The following PRDM16 variants were observed in gnomAD, a reference collection of about 807,000 sequenced individuals.
PRDM16 encodes the protein PR/SET domain 16.
Under a neutral mutation model 110.6 loss-of-function variants are expected in PRDM16, and 23 were observed. The observed-to-expected ratio is 0.21, with a 90% CI of 0.15 to 0.29. The LOEUF is 0.29. PRDM16 is among the 10% of genes least tolerant of loss of function. PRDM16 has a pLI of 1.00. For missense variants in PRDM16, 1,615 were observed against 1,794.3 expected (o/e 0.90, Z 1.81); for synonymous variants, 799 against 781.8 (o/e 1.02, Z -0.37).
chr1:3,347,446 C>T (rs1247230134), intron 3 of PRDM16, among the ~76,000 whole-genome samples: 1 of 152,230 alleles, frequency 6.6e-6, no homozygotes, highest in Admixed American at 6.5e-5. Context: ...TGGCGAGAGC[C>T]ATCCATCTGC....
intron 1 of PRDM16, among the ~76,000 whole-genome samples, chr1:3,141,978 G>T (rs61572897): frequency 6.6e-6 from 1 of 152,260 alleles, no homozygotes; most frequent in African/African-American, 2.4e-5. Context: ...ATGGTGCACC[G>T]CGTTTCCGAA....
intron 3 of PRDM16, among the ~76,000 whole-genome samples, chr1:3,379,142 C>T (rs1179555962): frequency 1.4e-5 from 1 of 73,754 alleles, no homozygotes; most frequent in Non-Finnish European, 3.1e-5. Context: ...ACACACCCCT[C>T]CCAGCACACC....
chr1:3,245,919 C>G lies in PRDM16; in HGVS notation c.438+1782C>G, dbSNP rs1171804773. Among the ~76,000 whole-genome samples, 2 of 152,200 alleles carry G rather than the reference C, an allele frequency of 1.3e-5. No homozygotes were observed. The highest frequency in any genetic ancestry group is 2.1e-4 in the South Asian group (1 of 4,818). The stretch of plus-strand genomic sequence containing the variant: ...GCGTCCCTGGACCGTCTGACATTTT[C>G]AAGACGCCCTCCTTGGCTGCGCCTC... On this transcript the variant is annotated intron_variant, in intron 3 of 16. Transcript: ENST00000270722. This position sits in a 1 kb window ranked among gnomAD's most constrained non-coding sequence, Gnocchi z 4.7.
At chr1:3,120,892 C>T (rs1181444169) in intron 1 of PRDM16, among the ~76,000 whole-genome samples, 2 of 152,166 alleles carry the variant, frequency 1.3e-5, no homozygotes, top group Admixed American at 6.5e-5. Context: ...TTGTTCTCTC[C>T]GGGATCTGCC....
At chr1:3,385,323 G>A (rs1643177762) in intron 4 of PRDM16, 37 bp downstream of exon 4, 4 of 1,609,166 alleles carry the variant, frequency 2.5e-6, no homozygotes, top group South Asian at 1.1e-5. Context: ...TCTGCCTCTT[G>A]GAATTGTCCC....
At chr1:3,352,198 T>A (rs947580874) in intron 3 of PRDM16, among the ~76,000 whole-genome samples, 1 of 152,106 alleles carries the variant, frequency 6.6e-6, no homozygotes, top group Non-Finnish European at 1.5e-5. Context: ...CCCTTCTCCC[T>A]CCGTGTTTGG....
At chr1:3,386,023 C>T (rs933417154) in intron 4 of PRDM16, among the ~76,000 whole-genome samples, 4 of 152,190 alleles carry the variant, frequency 2.6e-5, no homozygotes, top group African/African-American at 7.2e-5. Context: ...CAGAGCTGGT[C>T]GCTGCTTCAT....
intron 1 of PRDM16, among the ~76,000 whole-genome samples, chr1:3,112,388 C>T (rs1215731525): frequency 6.6e-6 from 1 of 152,224 alleles, no homozygotes; most frequent in Non-Finnish European, 1.5e-5. Flanking sequence ...CTTTTCGCTT[C>T]TCTCTAGTCA....
At chr1:3,331,301 C>A (rs2483273) in intron 3 of PRDM16, among the ~76,000 whole-genome samples, 16 of 152,068 alleles carry the variant, frequency 1.1e-4, no homozygotes, top group Non-Finnish European at 2.1e-4. Context: ...GCAGCCCCCC[C>A]CCGGCACACT....
At chr1:3,313,696 G>T (rs1304211052) in intron 3 of PRDM16, among the ~76,000 whole-genome samples, 1 of 152,214 alleles carries the variant, frequency 6.6e-6, no homozygotes. Context: ...CGCCAGTGCC[G>T]CAGTTGCTGA....
intron 3 of PRDM16, among the ~76,000 whole-genome samples, chr1:3,279,381 G>A (rs1022693402): frequency 3.3e-5 from 5 of 152,042 alleles, no homozygotes; most frequent in Admixed American, 6.5e-5. Context: ...GCGGTGCCTC[G>A]GGGCAGCTGT....
rs376746589 is a variant in PRDM16 at position 3,411,761 on chromosome 1, T to C, written c.1564T>C (p.Leu522=). Reference sequence around the variant, plus strand: ...CTTCCCGGGCATCTTCCCTCCATCCTTGTACCCCCGGCCGCCTCTGCTACC... The same window carrying C: ...CTTCCCGGGCATCTTCCCTCCATCCCTGTACCCCCGGCCGCCTCTGCTACC... ...PGFPGIFPPS[L]YPRPPLLPPT... is the part of the protein sequence containing the mutation. The change falls in exon 9 of 17, where the codon TTG becomes CTG. Residue 522 remains leucine (L), a synonymous_variant. Coordinates refer to ENST00000270722, the MANE Select transcript of PRDM16 (RefSeq NM_022114.4). 12 of 1,611,722 alleles carry C rather than the reference T, an allele frequency of 7.4e-6. No homozygotes were observed. Among genetic ancestry groups the C allele is most frequent in the Non-Finnish European group, 9.3e-6 (11 of 1,179,532 alleles).
intron 3 of PRDM16, among the ~76,000 whole-genome samples, chr1:3,374,480 C>T (rs1642958919): frequency 6.6e-6 from 1 of 152,206 alleles, no homozygotes; most frequent in South Asian, 2.1e-4. Flanking sequence ...CACACGTGTC[C>T]CCAGAGGAAG....
intron 3 of PRDM16, among the ~76,000 whole-genome samples, chr1:3,323,882 C>T (rs1016473638): frequency 5.9e-5 from 9 of 152,232 alleles, no homozygotes; most frequent in African/African-American, 1.9e-4. Context: ...GGGGCTCCCC[C>T]GGCTCTGCAC....
chr1:3,213,474 G>A lies in PRDM16; in HGVS notation c.387+27000G>A, dbSNP rs538839368. 3.3e-5 allele frequency among the ~76,000 whole-genome samples: 5 copies of A among 152,204 alleles called. No individual in the cohort carries two copies. The highest frequency in any genetic ancestry group is 7.3e-5 in the Non-Finnish European group (5 of 68,042). The stretch of plus-strand genomic sequence containing the variant: ...ACTTAGGCTTGTCACCAATCGGGCA[G>A]TCACCCCAGCTGTGCGGGTGCCCCC... On this transcript the variant is annotated intron_variant, in intron 2 of 16. Coordinates refer to ENST00000270722, the MANE Select transcript of PRDM16 (RefSeq NM_022114.4). This position sits in a 1 kb window ranked among gnomAD's most constrained non-coding sequence, Gnocchi z 5.3.
chr1:3,075,998 G>A (rs777112873), intron 1 of PRDM16, among the ~76,000 whole-genome samples: 3 of 152,202 alleles, frequency 2.0e-5, no homozygotes, highest in Non-Finnish European at 4.4e-5. Flanking sequence ...AGCCCCCCAC[G>A]CGTGGGGTGC....
At chr1:3,377,652 C>T (rs1643017550) in intron 3 of PRDM16, among the ~76,000 whole-genome samples, 1 of 152,096 alleles carries the variant, frequency 6.6e-6, no homozygotes, top group Non-Finnish European at 1.5e-5. Context: ...CAACTCAAAG[C>T]CAGGCGTTTA....
chr1:3,086,580 C>G (rs1346825218), intron 1 of PRDM16, among the ~76,000 whole-genome samples: 1 of 152,148 alleles, frequency 6.6e-6, no homozygotes, highest in Non-Finnish European at 1.5e-5. Context: ...GCTTCCTGGT[C>G]CTGTCTGGAA....
At chr1:3,118,192 C>A (rs917662839) in intron 1 of PRDM16, among the ~76,000 whole-genome samples, 2 of 151,980 alleles carry the variant, frequency 1.3e-5, no homozygotes, top group Non-Finnish European at 2.9e-5. Flanking sequence ...TGTGTGCATG[C>A]ATGTACACAC....
Sources: gnomAD v4.1 joint callset for allele counts (sites outside exome capture counted in the v4.1 genomes callset) on GRCh38, gnomAD v4.1.1 for gene constraint, Gnocchi (gnomAD v3.1) non-coding constraint, MANE v1.5 for transcripts, NCBI Gene and HGNC (gene_info 2026-07-23, HGNC 2026-07-21) for gene names.